Variants in PATJ observed in about 807,000 individuals in gnomAD.
PATJ encodes the protein inaD-like protein.
PATJ carries 190 observed loss-of-function variants against 224.9 expected under a neutral mutation model. The observed-to-expected ratio is 0.84, with a 90% CI of 0.75 to 0.95. The LOEUF (loss-of-function observed/expected upper bound fraction) is 0.95, where lower values mean the gene tolerates loss of function less well. Among genes scored for constraint, PATJ ranks in the 40% least tolerant of loss-of-function variants. The pLI is 0.00. For missense variants in PATJ, 2,121 were observed against 2,270.3 expected, an observed-to-expected ratio of 0.93 and a Z score of 1.34; for synonymous variants, 769 against 820.3, an observed-to-expected ratio of 0.94 and a Z score of 1.07.
intron 29 of PATJ, among the ~76,000 whole-genome samples, chr1:62,021,556 T>C (rs1647083375): frequency 6.6e-6 from 1 of 151,830 alleles, no homozygotes; most frequent in South Asian, 2.1e-4. Flanking sequence ...ACAATTATAG[T>C]AAGTTCGTTG....
chr1:61,793,324 A>C (rs1312782161), intron 9 of PATJ, among the ~76,000 whole-genome samples: 1 of 152,236 alleles, frequency 6.6e-6, no homozygotes, highest in Non-Finnish European at 1.5e-5. Flanking sequence ...GAATTCACAA[A>C]GAAGGCGGCA....
intron 33 of PATJ, 141 bp downstream of exon 33, chr1:62,084,789 T>A: frequency 1.2e-6 from 1 of 831,752 alleles, no homozygotes; most frequent in Non-Finnish European, 1.9e-6. Context: ...TGTGCATCCA[T>A]AGTCTAGCTA....
intron 13 of PATJ, among the ~76,000 whole-genome samples, chr1:61,806,613 CG>C (rs1653611553): frequency 1.4e-5 from 2 of 148,086 alleles, no homozygotes; most frequent in African/African-American, 5.0e-5. Context: ...AGCGAGATTC[CG>C]CCTCAAAAAA....
chr1:61,743,802 A>G (rs1228844175), intron 1 of PATJ, among the ~76,000 whole-genome samples: 3 of 152,188 alleles, frequency 2.0e-5, no homozygotes, highest in Non-Finnish European at 4.4e-5. Flanking sequence ...AACACTCCAA[A>G]TGTGTTGAAT....
chr1:61,908,317 CT>C, intron 24 of PATJ, 54 bp from the exon 25 acceptor site: 2 of 1,157,936 alleles, frequency 1.7e-6, no homozygotes, highest in Non-Finnish European at 2.6e-6. Context: ...TTGAATTAAC[CT>C]GTCCACAATA....
chr1:62,150,322 A>G (rs905159486), intron 42 of PATJ, among the ~76,000 whole-genome samples: 1 of 152,208 alleles, frequency 6.6e-6, no homozygotes, highest in African/African-American at 2.4e-5. Context: ...GTAAGTAAAG[A>G]TATTGCCCCA....
At chr1:62,123,321 A>AATC (rs1164667013) in intron 39 of PATJ, among the ~76,000 whole-genome samples, 2 of 152,056 alleles carry the variant, frequency 1.3e-5, no homozygotes, top group Admixed American at 1.3e-4. Flanking sequence ...TTATTTTTTC[A>AATC]ATCTTAGTCT....
At chr1:61,876,788 A>G (rs1557803981) in intron 21 of PATJ, among the ~76,000 whole-genome samples, 1 of 152,212 alleles carries the variant, frequency 6.6e-6, no homozygotes, top group Non-Finnish European at 1.5e-5. Context: ...ATTTATCTGC[A>G]GAACAATGAA....
intron 11 of PATJ, among the ~76,000 whole-genome samples, chr1:61,797,964 G>A (rs1420730892): frequency 4.0e-5 from 6 of 151,858 alleles, no homozygotes; most frequent in Admixed American, 6.6e-5. Context: ...CACCACACAC[G>A]GCTAATTCTG....
At chr1:62,111,243 A>G (rs1663775582) in intron 34 of PATJ, among the ~76,000 whole-genome samples, 2 of 152,352 alleles carry the variant, frequency 1.3e-5, no homozygotes, top group East Asian at 1.9e-4. Context: ...ATTGAGTGAC[A>G]GAAGTGGTCT....
intron 20 of PATJ, among the ~76,000 whole-genome samples, chr1:61,873,548 A>G (rs1460201380): frequency 1.3e-5 from 2 of 152,246 alleles, no homozygotes; most frequent in Non-Finnish European, 2.9e-5. Context: ...GCCTGCTATA[A>G]CAAGATACCA....
At chr1:62,073,062 TCAG>T in intron 31 of PATJ, 2 of 985,410 alleles carry the variant, frequency 2.0e-6, no homozygotes, top group Non-Finnish European at 2.4e-6. Context: ...TGGTGGCAGA[TCAG>T]CAGAAGGCAC....
chr1:61,999,566 G>A (rs1645621167), intron 28 of PATJ, among the ~76,000 whole-genome samples: 1 of 152,000 alleles, frequency 6.6e-6, no homozygotes, highest in Admixed American at 6.6e-5. Flanking sequence ...TACTCGGGGG[G>A]CTGAGGCACA....
intron 31 of PATJ, among the ~76,000 whole-genome samples, chr1:62,052,011 C>A (rs960390287): frequency 1.3e-5 from 2 of 152,150 alleles, no homozygotes; most frequent in Admixed American, 1.3e-4. Flanking sequence ...CTGCCCTACC[C>A]TCTGACTCCC....
At position 61,827,593 on chromosome 1, in the gene PATJ, G is replaced by T; in HGVS notation, c.1980+10G>T. On this transcript the variant is annotated intron_variant, in intron 16 of 43. Transcript: ENST00000642238. ...TCTTCCTGAGACAGAGGTACTAAAT[G>T]AATATAGTGCATTTCCCATAGGCAT... The T allele has an allele frequency of 6.2e-7, 1 of 1,612,392 alleles. No individual in the cohort carries two copies. The highest frequency in any genetic ancestry group is 1.1e-5 in the South Asian group (1 of 90,840).
rs1397549346 is a variant in PATJ at position 61,812,433 on chromosome 1, A to AGAGAGT, written c.1683+3904_1683+3905insAGAGTG. ...GAGAGAGAGAGAGAGAGAGAGAGAG[A>AGAGAGT]GTGTGTGTGTGTGTGTGTGTGTGTG... On this transcript the variant is annotated intron_variant, in intron 14 of 43. Transcript: ENST00000642238. Among the ~76,000 whole-genome samples the AGAGAGT allele has an allele frequency of 5.4e-3, 457 of 85,168 alleles. 5 individuals carry two copies. Among genetic ancestry groups the AGAGAGT allele is most frequent in the African/African-American group, 0.019 (415 of 22,370 alleles). 55.9% of individuals were successfully genotyped at this position (85,168 alleles called of 152,430 possible). A position where few individuals can be genotyped will look rare whatever the true frequency, so the allele number is the denominator to read the frequency against.
chr1:61,790,736 A>C (rs1570509338), intron 8 of PATJ, among the ~76,000 whole-genome samples: 1 of 150,704 alleles, frequency 6.6e-6, no homozygotes, highest in African/African-American at 2.4e-5. Flanking sequence ...CTGGTCTCCA[A>C]CTCCTGACCT....
chr1:62,015,614 C>T (rs962547189), intron 28 of PATJ, among the ~76,000 whole-genome samples: 1 of 151,936 alleles, frequency 6.6e-6, no homozygotes, highest in Non-Finnish European at 1.5e-5. Flanking sequence ...CTTGCTGTAA[C>T]CTCTGCCTCC....
intron 1 of PATJ, among the ~76,000 whole-genome samples, chr1:61,761,854 T>C (rs921295943): frequency 6.6e-6 from 1 of 151,790 alleles, no homozygotes; most frequent in Non-Finnish European, 1.5e-5. Flanking sequence ...GGTGGCTGAT[T>C]TTTGAATTTT....
Sources: allele counts gnomAD v4.1 joint callset (sites outside exome capture counted in the v4.1 genomes callset), GRCh38; gene constraint gnomAD v4.1.1; transcripts MANE v1.5; gene names NCBI Gene and HGNC (gene_info 2026-07-23, HGNC 2026-07-21).